The following MRPS35 variants were observed in gnomAD, a reference collection of about 807,000 sequenced individuals.
The protein encoded by MRPS35 is mitochondrial ribosomal protein S35, also known as small ribosomal subunit protein mS35.
MRPS35 carries 29 observed loss-of-function variants against 32.7 expected under a neutral mutation model. The observed-to-expected ratio is 0.89, with a 90% confidence interval of 0.66 to 1.21. The LOEUF is 1.21. Among genes scored for constraint, MRPS35 ranks in the 50% most tolerant of loss-of-function variants. The pLI, the probability that MRPS35 is intolerant of heterozygous loss-of-function variation, is 0.00. For synonymous variants in MRPS35, 148 were observed against 139.3 expected (o/e 1.06, Z -0.44); for missense variants, 373 against 383.8 (o/e 0.97, Z 0.23).
chr12:27,717,282 A>G (rs2061854889), intron 3 of MRPS35, among the ~76,000 whole-genome samples: 1 of 152,232 alleles, frequency 6.6e-6, no homozygotes, highest in Admixed American at 6.5e-5. Context: ...CCAGTTTAAA[A>G]AGAGGAATTT....
intron 6 of MRPS35, among the ~76,000 whole-genome samples, chr12:27,736,667 C>T (rs981287415): frequency 6.6e-5 from 10 of 151,966 alleles, no homozygotes; most frequent in East Asian, 1.9e-4. Flanking sequence ...TGGAAGTAAT[C>T]GTATCTTTCT....
chr12:27,738,652 A>C (rs1354056008), intron 7 of MRPS35, among the ~76,000 whole-genome samples: 3 of 152,186 alleles, frequency 2.0e-5, no homozygotes, highest in Non-Finnish European at 2.9e-5. Context: ...GCCTTACCCA[A>C]CACAGGGGAC....
chr12:27,748,087 T>C (rs1565471690), intron 7 of MRPS35, among the ~76,000 whole-genome samples: 2 of 152,212 alleles, frequency 1.3e-5, no homozygotes, highest in African/African-American at 2.4e-5. Flanking sequence ...TCCAACAGTT[T>C]TTCAGCCTCA....
At chr12:27,740,075 T>C (rs900001870) in intron 7 of MRPS35, among the ~76,000 whole-genome samples, 9 of 152,202 alleles carry the variant, frequency 5.9e-5, no homozygotes, top group African/African-American at 2.2e-4. Context: ...GCCGTGAAAT[T>C]TTGCGGAGCT....
intron 5 of MRPS35, among the ~76,000 whole-genome samples, chr12:27,724,500 T>C (rs1565466157): frequency 6.6e-6 from 1 of 152,220 alleles, no homozygotes; most frequent in Non-Finnish European, 1.5e-5. Flanking sequence ...CCCAGCACTT[T>C]GGGAGGCCGA....
intron 5 of MRPS35, among the ~76,000 whole-genome samples, chr12:27,724,652 A>C (rs1051973769): frequency 4.6e-5 from 7 of 152,132 alleles, no homozygotes; most frequent in African/African-American, 1.4e-4. Context: ...CTGAGGCAGG[A>C]GAATTGCTTG....
At chr12:27,713,922 A>G (rs1308577230) in intron 1 of MRPS35, among the ~76,000 whole-genome samples, 1 of 151,992 alleles carries the variant, frequency 6.6e-6, no homozygotes, top group African/African-American at 2.4e-5. Flanking sequence ...CACCGTCTCT[A>G]CAAGAATTAG....
intron 3 of MRPS35, among the ~76,000 whole-genome samples, chr12:27,717,448 A>G (rs567814523): frequency 2.0e-5 from 3 of 152,244 alleles, no homozygotes; most frequent in Admixed American, 2.0e-4. Context: ...AGAAAATATA[A>G]ATGCTTAGTC....
At chr12:27,722,181 G>A (rs115083801) in intron 4 of MRPS35, among the ~76,000 whole-genome samples, 16 of 152,222 alleles carry the variant, frequency 1.1e-4, no homozygotes, top group African/African-American at 3.6e-4. Flanking sequence ...TTCAGATTGC[G>A]TCTTCCGTAT....
At chr12:27,746,897 C>T (rs1237734813) in intron 7 of MRPS35, among the ~76,000 whole-genome samples, 1 of 152,184 alleles carries the variant, frequency 6.6e-6, no homozygotes, top group East Asian at 1.9e-4. Context: ...AAGTTTTCAT[C>T]ATCATTTACC....
intron 2 of MRPS35, 141 bp downstream of exon 2, chr12:27,714,961 G>C: frequency 1.5e-6 from 1 of 682,388 alleles, no homozygotes; most frequent in Non-Finnish European, 2.5e-6. Flanking sequence ...AGCCCTGGCA[G>C]AGGTTAGTCT....
chr12:27,719,596 G>A (rs2061864985), intron 3 of MRPS35, among the ~76,000 whole-genome samples: 1 of 151,326 alleles, frequency 6.6e-6, no homozygotes, highest in Non-Finnish European at 1.5e-5. Flanking sequence ...AACCCGGGAA[G>A]CGGAGCTTGC....
chr12:27,751,141 AAGGAAAAG>A (rs1255562911), intron 7 of MRPS35, among the ~76,000 whole-genome samples: 2 of 151,342 alleles, frequency 1.3e-5, no homozygotes, highest in Non-Finnish European at 2.9e-5. Context: ...AGAAAAGAAA[AAGGAAAAG>A]AAAAAAGAAA....
At chr12:27,726,479 G>A (rs2061901065) in intron 5 of MRPS35, among the ~76,000 whole-genome samples, 1 of 152,088 alleles carries the variant, frequency 6.6e-6, no homozygotes, top group African/African-American at 2.4e-5. Flanking sequence ...GTAGATATGT[G>A]TTTTCCATTC....
intron 7 of MRPS35, 68 bp from the exon 8 acceptor site, chr12:27,755,113 G>GAAAC (rs923615733): frequency 6.1e-5 from 87 of 1,421,832 alleles, no homozygotes; most frequent in East Asian, 1.4e-4. Context: ...AAGAAAGGAA[G>GAAAC]AAACAAACAA....
intron 7 of MRPS35, among the ~76,000 whole-genome samples, chr12:27,751,102 CAAAAAAAAA>C (rs71438703): frequency 2.1e-4 from 8 of 38,134 alleles, no homozygotes; most frequent in Admixed American, 8.8e-4. Context: ...GACTCCATCT[CAAAAAAAAA>C]AAAAAAAAAA....
intron 4 of MRPS35, among the ~76,000 whole-genome samples, chr12:27,720,118 G>A (rs1327822582): frequency 6.6e-6 from 1 of 152,138 alleles, no homozygotes; most frequent in African/African-American, 2.4e-5. Context: ...AAGGCTGAGT[G>A]TGGTGGCTCA....
intron 7 of MRPS35, among the ~76,000 whole-genome samples, chr12:27,743,962 AT>A (rs779431313): frequency 1.3e-5 from 2 of 152,176 alleles, no homozygotes; most frequent in Non-Finnish European, 2.9e-5. Flanking sequence ...AGACACAAAC[AT>A]TTGGTCTGTA....
chr12:27,737,321 CAAAG>C (rs1467835538), intron 6 of MRPS35, among the ~76,000 whole-genome samples: 5 of 152,184 alleles, frequency 3.3e-5, no homozygotes, highest in African/African-American at 4.8e-5. Flanking sequence ...GTAATGAAAA[CAAAG>C]AGATACTCGA....
Sources: allele counts gnomAD v4.1 joint callset (sites outside exome capture counted in the v4.1 genomes callset), GRCh38; gene constraint gnomAD v4.1.1; transcripts MANE v1.5; gene names NCBI Gene and HGNC (gene_info 2026-07-23, HGNC 2026-07-21).